RANBP3L: variants seen among roughly 807,000 people sequenced by gnomAD.
RANBP3L encodes RAN binding protein 3 like, also known as ran-binding protein 3-like.
A neutral mutation model predicts 67.2 loss-of-function variants in RANBP3L; 56 were observed. The ratio of observed to expected loss-of-function variants is 0.83; its 90% CI spans 0.67 to 1.04. The LOEUF (loss-of-function observed/expected upper bound fraction) is 1.04. Ranked by LOEUF, RANBP3L falls within the 50% of genes least tolerant of loss-of-function variation. RANBP3L has a pLI of 0.00. For missense variants in RANBP3L, 496 were observed against 535.5 expected (o/e 0.93, Z 0.73); for synonymous variants, 164 against 181.4 (o/e 0.90, Z 0.77).
intron 4 of RANBP3L, among the ~76,000 whole-genome samples, chr5:36,266,650 C>A (rs59504199): frequency 6.6e-6 from 1 of 152,204 alleles, no homozygotes; most frequent in East Asian, 1.9e-4. Flanking sequence ...TGAATTAAAG[C>A]ACGTGCATAG....
In RANBP3L at chr5:36,259,118, C is replaced by A. The variant is rs147999949; in HGVS notation, c.670-1562G>T. ...AAATAAATGATATGGAATAAATGTG[C>A]CTAAATATACTGCCTGTAAATTCAC... On this transcript the variant is annotated intron_variant, in intron 8 of 13. Coordinates refer to ENST00000296604, the MANE Select transcript of RANBP3L (RefSeq NM_145000.5). 1.8e-4 allele frequency among the ~76,000 whole-genome samples: 28 copies of A among 152,242 alleles called. No homozygotes were observed. In the East Asian group the frequency reaches 5.2e-3, roughly 28 times the overall value.
At chr5:36,250,410 T>C (rs1455070376) in intron 13 of RANBP3L, among the ~76,000 whole-genome samples, 1 of 152,084 alleles carries the variant, frequency 6.6e-6, no homozygotes, top group Non-Finnish European at 1.5e-5. Context: ...TTTTTCCTTT[T>C]GATTATAGCT....
rs749796789 is a variant in RANBP3L at position 36,257,520 on chromosome 5, C to A, written c.706G>T (p.Asp236Tyr). The change falls in exon 9 of 14, where the codon GAT (aspartate) becomes TAT (tyrosine). Residue 236 changes from aspartate (D) to tyrosine (Y), a missense_variant. Physicochemically the swap from Asp to Tyr is radical, Grantham distance 160. Coordinates refer to ENST00000296604, the MANE Select transcript of RANBP3L (RefSeq NM_145000.5). ...AATGGTTTTTCCTTGGCATATGAATCATTTTCAAGTTGAGGCTGGGTGAGT... is the reference window on the plus strand; with the variant it reads ...AATGGTTTTTCCTTGGCATATGAATAATTTTCAAGTTGAGGCTGGGTGAGT... Reference protein sequence around the residue: ...QKLTQPQLENDSYAKEKPFKS... With the variant: ...QKLTQPQLENYSYAKEKPFKS... The A allele has an allele frequency of 1.3e-5, 20 of 1,591,150 alleles. No homozygotes were observed. The highest frequency in any genetic ancestry group is 1.7e-5 in the Non-Finnish European group (20 of 1,165,676).
intron 1 of RANBP3L, among the ~76,000 whole-genome samples, chr5:36,296,760 G>T (rs1752244294): frequency 6.6e-6 from 1 of 152,104 alleles, no homozygotes; most frequent in African/African-American, 2.4e-5. Context: ...TTTGAATGAG[G>T]TTTACACTTA....
At chr5:36,289,259 G>A (rs778529788) in intron 1 of RANBP3L, among the ~76,000 whole-genome samples, 3 of 151,936 alleles carry the variant, frequency 2.0e-5, no homozygotes, top group Non-Finnish European at 4.4e-5. Flanking sequence ...TTTATATTCT[G>A]TTCCAATAAT....
rs1236539336 is a variant in RANBP3L, at chr5:36,247,720, C to T, written c.*1934G>A. ...CCAACATGGTGAAACCCCGTCTCTA[C>T]TAAAAATACAAAAATTAGCCAGGTA... On this transcript the variant is annotated 3_prime_UTR_variant, in exon 14 of 14. Transcript: ENST00000296604. 6.6e-6 allele frequency among the ~76,000 whole-genome samples: 1 copy of T among 152,076 alleles called. No homozygotes were observed. Among genetic ancestry groups the T allele is most frequent in the Non-Finnish European group, 1.5e-5 (1 of 68,010 alleles).
At chr5:36,287,142 A>G (rs2112067255) in intron 1 of RANBP3L, among the ~76,000 whole-genome samples, 1 of 152,270 alleles carries the variant, frequency 6.6e-6, no homozygotes, top group Admixed American at 6.5e-5. Context: ...GATCCTTCAC[A>G]TGCACAGTTC....
Position 36,292,867 on chromosome 5 carries a change from T to C in RANBP3L, c.91+8459A>G, listed in dbSNP as rs187354614. On this transcript the variant is annotated intron_variant, in intron 1 of 13. Coordinates refer to ENST00000296604, the MANE Select transcript of RANBP3L (RefSeq NM_145000.5). ...GCAGCTTCATTCCTTTGGCTTAGGA[T>C]TGACTTGGCGATGCGGGCTCTTTTT... Among the ~76,000 whole-genome samples, 261 of 152,248 alleles carry C rather than the reference T, an allele frequency of 1.7e-3. 1 individual carries two copies. The highest frequency in any genetic ancestry group is 2.8e-3 in the Non-Finnish European group (192 of 68,024).
At chr5:36,294,973 TATATATACACACAC>T (rs1204239500) in intron 1 of RANBP3L, among the ~76,000 whole-genome samples, 2 of 150,098 alleles carry the variant, frequency 1.3e-5, no homozygotes, top group East Asian at 3.9e-4. Context: ...TATGTATACA[TATATATACACACAC>T]ATATATATAC....
chr5:36,269,719 C>T (rs570201605), intron 3 of RANBP3L, among the ~76,000 whole-genome samples: 2 of 152,246 alleles, frequency 1.3e-5, no homozygotes, highest in Non-Finnish European at 2.9e-5. Context: ...ACAGAGAATG[C>T]TTTTGATAGG....
At position 36,248,550 on chromosome 5, in the gene RANBP3L, A is replaced by T. The variant is rs779657659; in HGVS notation, c.*1104T>A. ...CCAAATGAATATTGTTCTTCGAAGC[A>T]TCACTTAGTGAAATTACGCCCTCAT... On this transcript the variant is annotated 3_prime_UTR_variant, in exon 14 of 14. Transcript: ENST00000296604. 1.3e-5 allele frequency: 2 copies of T among 152,214 alleles called. No individual in the cohort carries two copies. Among genetic ancestry groups the T allele is most frequent in the African/African-American group, 2.4e-5 (1 of 41,470 alleles). 9.4% of individuals were successfully genotyped at this position (152,214 alleles called of 1,614,324 possible). A position where few individuals can be genotyped will look rare whatever the true frequency, so the allele number is the denominator to read the frequency against.
At chr5:36,256,485 G>T (rs1748984893) in intron 10 of RANBP3L, among the ~76,000 whole-genome samples, 3 of 152,000 alleles carry the variant, frequency 2.0e-5, no homozygotes, top group South Asian at 4.1e-4. Flanking sequence ...GTGTATCTGT[G>T]AAATTCTTGA....
intron 10 of RANBP3L, 39 bp from the exon 11 acceptor site, chr5:36,255,629 A>C: frequency 1.3e-6 from 2 of 1,502,722 alleles, no homozygotes; most frequent in Non-Finnish European, 9.2e-7. Flanking sequence ...TATATAGAAA[A>C]TTTTTTCAAA....
chr5:36,282,221 G>A (rs1210709480), intron 1 of RANBP3L, among the ~76,000 whole-genome samples: 2 of 152,152 alleles, frequency 1.3e-5, no homozygotes, highest in African/African-American at 2.4e-5. Flanking sequence ...CTGAGGGAGT[G>A]GGGAACAAAG....
At chr5:36,275,250 T>A (rs973711085) in intron 1 of RANBP3L, among the ~76,000 whole-genome samples, 3 of 152,240 alleles carry the variant, frequency 2.0e-5, no homozygotes, top group African/African-American at 7.2e-5. Context: ...AAATTAATTA[T>A]TTTAATCATT....
chr5:36,249,479 CAAAATGT>C lies in RANBP3L; in HGVS notation c.*168_*174del. 5.2e-6 allele frequency: 2 copies of C among 386,718 alleles called. No homozygotes were observed. The highest frequency in any genetic ancestry group is 8.1e-5 in the South Asian group (1 of 12,338). 24.0% of individuals were successfully genotyped at this position (386,718 alleles called of 1,614,324 possible). A position where few individuals can be genotyped will look rare whatever the true frequency, so the allele number is the denominator to read the frequency against. ...ATTCTGTCAGTTTCTGCACAATAAT[CAAAATGT>C]AAAATGTAAAACATAAAAATGTTAA... On this transcript the variant is annotated 3_prime_UTR_variant, in exon 14 of 14. Transcript: ENST00000296604.
At chr5:36,260,092 G>C (rs1032899357) in intron 8 of RANBP3L, among the ~76,000 whole-genome samples, 4 of 151,854 alleles carry the variant, frequency 2.6e-5, no homozygotes, top group Admixed American at 1.3e-4. Flanking sequence ...ATTGGCTCAA[G>C]CTTATAATCC....
rs1306076546 is a variant in RANBP3L at position 36,257,079 on chromosome 5, A to G, written c.773-8T>C. ...TTTTAATAGAGTCTGTTCCTAAGAG[A>G]AAATGGGGAAAAAACACTTAAAAGT... On this transcript the variant is annotated splice_region_variant and splice_polypyrimidine_tract_variant and intron_variant, in intron 9 of 13. Transcript: ENST00000296604. 2 of 1,603,110 alleles carry G rather than the reference A, an allele frequency of 1.2e-6. No individual in the cohort carries two copies. The highest frequency in any genetic ancestry group is 3.4e-5 in the Admixed American group (2 of 58,442).
At chr5:36,279,203 G>A (rs1750806221) in intron 1 of RANBP3L, among the ~76,000 whole-genome samples, 1 of 152,110 alleles carries the variant, frequency 6.6e-6, no homozygotes. Flanking sequence ...AACCTATGTT[G>A]AAGTATTTTA....
Sources: allele counts gnomAD v4.1 joint callset (sites outside exome capture counted in the v4.1 genomes callset), GRCh38; gene constraint gnomAD v4.1.1; transcripts MANE v1.5; gene names NCBI Gene and HGNC (gene_info 2026-07-23, HGNC 2026-07-21).